ABCC6: variants seen among roughly 807,000 people sequenced by gnomAD.
The protein encoded by ABCC6 is ATP-binding cassette sub-family C member 6.
Under a neutral mutation model 169.5 loss-of-function variants are expected in ABCC6, and 126 were observed. That is an observed-to-expected ratio of 0.74 (90% CI 0.64 to 0.86). ABCC6 has a LOEUF of 0.86. ABCC6 is among the 40% of genes least tolerant of loss of function. The pLI is 0.00. For missense variants in ABCC6, 1,733 were observed against 1,927.2 expected (o/e 0.90, Z 1.89); for synonymous variants, 752 against 814.7 (o/e 0.92, Z 1.31).
intron 3 of ABCC6, 51 bp downstream of exon 3, chr16:16,219,771 G>A: frequency 3.4e-6 from 4 of 1,190,536 alleles, no homozygotes; most frequent in Non-Finnish European, 4.8e-6. Context: ...ACTGTGGCAG[G>A]CAAAGCAGCA....
intron 17 of ABCC6, among the ~76,000 whole-genome samples, chr16:16,180,128 C>A (rs376722685): frequency 6.6e-6 from 1 of 152,102 alleles, no homozygotes; most frequent in Non-Finnish European, 1.5e-5. Context: ...GGAGCTCAGG[C>A]GGTGATGGGA....
In ABCC6 at chr16:16,208,609, T is replaced by C. The variant is rs2152288894; in HGVS notation, c.794+119A>G. 3 of 1,530,662 alleles carry C rather than the reference T, an allele frequency of 2.0e-6. No homozygotes were observed. In the East Asian group the frequency reaches 6.8e-5, roughly 35 times the overall value. The allele number at this position is 1,530,662 out of a possible 1,614,324, so 94.8% of individuals were successfully genotyped here. A position where few individuals can be genotyped will look rare whatever the true frequency, so the allele number is the denominator to read the frequency against. On this transcript the variant is annotated intron_variant, in intron 7 of 30. Coordinates refer to ENST00000205557, the MANE Select transcript of ABCC6 (RefSeq NM_001171.6). ...GATTGGTCTTGAACTCCTGACCTTG[T>C]GATCCGCCTGCCTCGGCCTCCCAAA...
Position 16,186,790 on chromosome 16 carries a change from G to A in ABCC6, c.1867+334C>T, listed in dbSNP as rs191877585. On this transcript the variant is annotated intron_variant, in intron 14 of 30. Coordinates refer to ENST00000205557, the MANE Select transcript of ABCC6 (RefSeq NM_001171.6). ...TGTGTTTGAATCATCCCAAAACCAC[G>A]CGCCTCTCCCCGGTCCGTGGGAAAA... Among the ~76,000 whole-genome samples, 487 of 151,966 alleles carry A rather than the reference G, an allele frequency of 3.2e-3. 6 individuals carry two copies. The highest frequency in any genetic ancestry group is 0.011 in the African/African-American group (461 of 41,438).
chr16:16,172,878 C>T, intron 21 of ABCC6, among the ~76,000 whole-genome samples: 1 of 151,912 alleles, frequency 6.6e-6, no homozygotes, highest in African/African-American at 2.4e-5. Context: ...CCCATCTCTA[C>T]TGAAAATACA....
At chr16:16,163,416 T>C (rs192745902) in intron 23 of ABCC6, among the ~76,000 whole-genome samples, 144 of 152,332 alleles carry the variant, frequency 9.5e-4, no homozygotes, top group Non-Finnish European at 1.6e-3. Context: ...CAAAAACCTC[T>C]AATGCCCCAC....
intron 29 of ABCC6, among the ~76,000 whole-genome samples, chr16:16,151,040 G>T (rs1399654948): frequency 6.6e-6 from 1 of 151,938 alleles, no homozygotes; most frequent in African/African-American, 2.4e-5. Flanking sequence ...TCTTTTTTCT[G>T]TTTATGGCTC....
chr16:16,155,257 C>G, intron 27 of ABCC6: 1 of 606,852 alleles, frequency 1.6e-6, no homozygotes, highest in Non-Finnish European at 2.9e-6. Flanking sequence ...TGATATCTCT[C>G]TCCCATCTTT....
chr16:16,208,633 A>C, intron 7 of ABCC6, 95 bp downstream of exon 7: 1 of 1,604,944 alleles, frequency 6.2e-7, no homozygotes. Context: ...CGGCCTCCCA[A>C]AATGCCGGGA....
intron 18 of ABCC6, 71 bp from the exon 19 acceptor site, chr16:16,177,697 C>G: frequency 1.9e-6 from 3 of 1,569,654 alleles, no homozygotes; most frequent in African/African-American, 1.3e-5. Flanking sequence ...AATCCCAACA[C>G]TTTGGGAAGC....
At chr16:16,154,257 A>G (rs1355103803) in intron 29 of ABCC6, among the ~76,000 whole-genome samples, 1 of 151,670 alleles carries the variant, frequency 6.6e-6, no homozygotes, top group Non-Finnish European at 1.5e-5. Flanking sequence ...CACACTTGAC[A>G]TTTACCAAAA....
chr16:16,182,979 CT>C, intron 15 of ABCC6, 49 bp from the exon 16 acceptor site: 1 of 1,614,114 alleles, frequency 6.2e-7, no homozygotes, highest in Non-Finnish European at 8.5e-7. Context: ...TTCAGCCCGC[CT>C]CTGTGAGGAA....
chr16:16,197,281 TTC>T (rs1481047772), intron 10 of ABCC6, among the ~76,000 whole-genome samples: 1 of 152,042 alleles, frequency 6.6e-6, no homozygotes, highest in Non-Finnish European at 1.5e-5. Flanking sequence ...ATCATCATCT[TTC>T]TACAGAGGAA....
chr16:16,165,613 C>G lies in ABCC6; in HGVS notation c.3306+10G>C, dbSNP rs375557369. ...AGCCGGTCCCGGAAGCCTCCCTGAC[C>G]TCTCCGTACCTGAAACCCAGCGTAG... On this transcript the variant is annotated intron_variant, in intron 23 of 30. Transcript: ENST00000205557. 5.0e-6 allele frequency: 8 copies of G among 1,612,960 alleles called. No homozygotes were observed. In the African/African-American group the frequency reaches 1.1e-4, roughly 21 times the overall value.
chr16:16,177,349 G>A (rs1262440986), intron 19 of ABCC6, 103 bp downstream of exon 19: 10 of 1,335,104 alleles, frequency 7.5e-6, no homozygotes, highest in Non-Finnish European at 1.1e-5. Context: ...TGCAGACAGG[G>A]TGTGGCCAGA....
At chr16:16,221,416 T>C (rs1049175341) in intron 2 of ABCC6, 154 of 1,416,330 alleles carry the variant, frequency 1.1e-4, no homozygotes, top group Non-Finnish European at 1.4e-4. Flanking sequence ...AACATGGGAG[T>C]GTATGCGTAT....
At chr16:16,170,130 C>T (rs1311919320) in intron 21 of ABCC6, among the ~76,000 whole-genome samples, 1 of 145,372 alleles carries the variant, frequency 6.9e-6, no homozygotes, top group Admixed American at 7.0e-5. Flanking sequence ...CTTGCTTTGT[C>T]GCCCATGTCA....
chr16:16,209,528 TG>T (rs2048521580), intron 6 of ABCC6, among the ~76,000 whole-genome samples: 1 of 151,934 alleles, frequency 6.6e-6, no homozygotes, highest in African/African-American at 2.4e-5. Context: ...GACATTTCCC[TG>T]GGAATCAGAA....
intron 5 of ABCC6, among the ~76,000 whole-genome samples, chr16:16,213,082 A>AT (rs55813185): frequency 0.01 from 1,448 of 138,800 alleles, 19 homozygotes; most frequent in African/African-American, 0.024. Flanking sequence ...CCTTCGAGCA[A>AT]TTTTTTTTTT....
At chr16:16,186,058 CTGGG>C (rs1477475537) in intron 14 of ABCC6, among the ~76,000 whole-genome samples, 2 of 152,132 alleles carry the variant, frequency 1.3e-5, no homozygotes, top group Non-Finnish European at 2.9e-5. Context: ...AGTGCTGGGG[CTGGG>C]ATTTGGACCT....
Sources: gnomAD v4.1 joint callset for allele counts (sites outside exome capture counted in the v4.1 genomes callset) on GRCh38, gnomAD v4.1.1 for gene constraint, MANE v1.5 for transcripts, NCBI Gene and HGNC (gene_info 2026-07-23, HGNC 2026-07-21) for gene names.